Variants in FHL5 observed in about 807,000 individuals in gnomAD.
The protein encoded by FHL5 is four and a half LIM domains 5, also known as four and a half LIM domains protein 5.
FHL5 carries 33 observed loss-of-function variants against 32.0 expected under a neutral mutation model. The observed-to-expected ratio is 1.03, with a 90% CI of 0.78 to 1.38. The LOEUF is 1.38. Among genes scored for constraint, FHL5 ranks in the 40% most tolerant of loss-of-function variants. The pLI is 0.00. For missense variants in FHL5, 336 were observed against 343.9 expected, an observed-to-expected ratio of 0.98 and a Z score of 0.18; for synonymous variants, 114 against 113.6, an observed-to-expected ratio of 1.00 and a Z score of -0.02.
chr6:96,604,998 T>C, intron 3 of FHL5, 74 bp downstream of exon 3: 2 of 1,157,738 alleles, frequency 1.7e-6, no homozygotes, highest in Non-Finnish European at 1.2e-6. Context: ...ACATGAGGAG[T>C]GCAGCAGCTC....
chr6:96,605,997 T>C lies in FHL5; in HGVS notation c.430T>C (p.Ser144Pro), dbSNP rs1406194957. Residue 144 changes from serine (S) to proline (P), a missense_variant, in exon 4 of 6, where the codon TCC becomes CCC. Physicochemically the swap from Ser to Pro is moderately conservative, Grantham distance 74 (BLOSUM62 -1). Transcript: ENST00000450218. The stretch of plus-strand genomic sequence containing the variant: ...ACCTATAGGGACAAAGCCTTTGATC[T>C]CCAAAGAGAGTGGCAATTATTGTGT... ...RQPIGTKPLI[S>P]KESGNYCVPC... is the part of the protein sequence containing the mutation. 4 of 1,613,982 alleles carry C rather than the reference T, an allele frequency of 2.5e-6. No homozygotes were observed. In the Admixed American group the frequency reaches 6.7e-5, roughly 27 times the overall value.
chr6:96,605,764 A>C (rs1253619525), intron 3 of FHL5, 138 bp from the exon 4 acceptor site: 2 of 755,548 alleles, frequency 2.6e-6, no homozygotes, highest in African/African-American at 3.6e-5. Flanking sequence ...TTTGAACCTG[A>C]AAAAATACTA....
In FHL5 at chr6:96,617,727, T is replaced by C. The variant is rs73759504; in HGVS notation, c.*1955T>C. 0.011 allele frequency among the ~76,000 whole-genome samples: 1,711 copies of C among 152,348 alleles called. 23 individuals carry two copies. Among genetic ancestry groups the C allele is most frequent in the African/African-American group, 0.039 (1,623 of 41,576 alleles). On this transcript the variant is annotated 3_prime_UTR_variant, in exon 6 of 6. Transcript: ENST00000450218. ...ACCAATTATAGATACATATACAACATGTAATGTTTTCTTAGTTAAACAATT... is the reference window on the plus strand; with the variant it reads ...ACCAATTATAGATACATATACAACACGTAATGTTTTCTTAGTTAAACAATT...
At chr6:96,569,352 G>A (rs535840264) in intron 1 of FHL5, among the ~76,000 whole-genome samples, 1 of 152,036 alleles carries the variant, frequency 6.6e-6, no homozygotes, top group South Asian at 2.1e-4. Context: ...GTGGTCTAAC[G>A]TGGTCTATGC....
intron 1 of FHL5, among the ~76,000 whole-genome samples, chr6:96,574,966 T>C (rs1770554965): frequency 1.3e-5 from 2 of 151,976 alleles, no homozygotes; most frequent in African/African-American, 2.4e-5. Context: ...AAAGAGAAAA[T>C]AGGTGACAAG....
chr6:96,570,864 TC>T, intron 1 of FHL5, among the ~76,000 whole-genome samples: 1 of 152,190 alleles, frequency 6.6e-6, no homozygotes, highest in East Asian at 1.9e-4. Flanking sequence ...GATTTTTATC[TC>T]TTTATTGAAT....
At chr6:96,570,137 C>T (rs1770444916) in intron 1 of FHL5, among the ~76,000 whole-genome samples, 1 of 151,996 alleles carries the variant, frequency 6.6e-6, no homozygotes, top group Admixed American at 6.6e-5. Context: ...GTGAAAATCA[C>T]TTAAGCATTT....
At chr6:96,613,291 A>G (rs998782907) in intron 5 of FHL5, among the ~76,000 whole-genome samples, 8 of 152,214 alleles carry the variant, frequency 5.3e-5, no homozygotes, top group African/African-American at 1.9e-4. Flanking sequence ...CCCATAAATC[A>G]CCAAGTGTAA....
intron 1 of FHL5, among the ~76,000 whole-genome samples, chr6:96,567,935 A>T (rs1413623079): frequency 1.3e-5 from 2 of 148,946 alleles, no homozygotes; most frequent in African/African-American, 4.9e-5. Flanking sequence ...GTTATTTGCA[A>T]ATGAGGACAA....
intron 1 of FHL5, among the ~76,000 whole-genome samples, chr6:96,582,594 C>T (rs1293162986): frequency 6.6e-6 from 1 of 151,950 alleles, no homozygotes; most frequent in African/African-American, 2.4e-5. Context: ...AAGCTCTAGT[C>T]AGCTGTTTTG....
At chr6:96,605,325 C>A (rs943015037) in intron 3 of FHL5, among the ~76,000 whole-genome samples, 2 of 152,182 alleles carry the variant, frequency 1.3e-5, no homozygotes, top group Non-Finnish European at 2.9e-5. Context: ...TTTTGAGGAT[C>A]GGTTATTGTT....
intron 4 of FHL5, 36 bp downstream of exon 4, chr6:96,606,107 C>G: frequency 1.3e-6 from 2 of 1,555,608 alleles, no homozygotes; most frequent in Non-Finnish European, 1.8e-6. Context: ...TGTGGAAACT[C>G]AGACTATTTC....
At chr6:96,600,187 G>C (rs1319983469) in intron 1 of FHL5, among the ~76,000 whole-genome samples, 1 of 152,180 alleles carries the variant, frequency 6.6e-6, no homozygotes, top group Non-Finnish European at 1.5e-5. Flanking sequence ...CTCCATCCCA[G>C]TTAGAACTAC....
At chr6:96,580,256 G>A (rs1770671683) in intron 1 of FHL5, among the ~76,000 whole-genome samples, 1 of 152,140 alleles carries the variant, frequency 6.6e-6, no homozygotes. Context: ...TTTACAAGTT[G>A]TCATCAGTTT....
intron 5 of FHL5, among the ~76,000 whole-genome samples, chr6:96,611,067 C>T (rs933112559): frequency 4.6e-5 from 7 of 152,096 alleles, no homozygotes; most frequent in Non-Finnish European, 8.8e-5. Context: ...CAGGCCTTCA[C>T]GAGGAGATCT....
At chr6:96,604,669 C>A in intron 2 of FHL5, 81 bp from the exon 3 acceptor site, 2 of 1,104,026 alleles carry the variant, frequency 1.8e-6, no homozygotes, top group East Asian at 2.5e-5. Context: ...ATGAGAGTCC[C>A]AGGAGTGTTC....
rs145476170 is a variant in FHL5, at chr6:96,585,937, C to A, written c.-12-17665C>A. Among the ~76,000 whole-genome samples, 4 of 152,278 alleles carry A rather than the reference C, an allele frequency of 2.6e-5. No individual in the cohort carries two copies. The East Asian group carries it at 7.7e-4, about 29-fold the overall frequency. ...TTGCACAATGCTGTGTTAACTGAAACTTGTGCATATTGTAAACATATTCTT... is the reference window on the plus strand; with the variant it reads ...TTGCACAATGCTGTGTTAACTGAAAATTGTGCATATTGTAAACATATTCTT... On this transcript the variant is annotated intron_variant, in intron 1 of 5. Transcript: ENST00000450218.
At chr6:96,567,526 A>T (rs1464490260) in intron 1 of FHL5, among the ~76,000 whole-genome samples, 1 of 151,890 alleles carries the variant, frequency 6.6e-6, no homozygotes, top group Non-Finnish European at 1.5e-5. Flanking sequence ...TGTGAAGAAC[A>T]TCACTGGTAT....
intron 1 of FHL5, among the ~76,000 whole-genome samples, chr6:96,601,469 G>GGGA (rs1280677966): frequency 2.0e-5 from 3 of 152,216 alleles, no homozygotes; most frequent in African/African-American, 7.2e-5. Flanking sequence ...CTTCTGATCT[G>GGGA]ATCACTAAAT....
Sources: allele counts gnomAD v4.1 joint callset (sites outside exome capture counted in the v4.1 genomes callset), GRCh38; gene constraint gnomAD v4.1.1; transcripts MANE v1.5; gene names NCBI Gene and HGNC (gene_info 2026-07-23, HGNC 2026-07-21).